Variants in CUBN observed in about 807,000 individuals in gnomAD.
CUBN encodes the protein cubilin, also known as 460 kDa receptor.
Under a neutral mutation model 405.3 loss-of-function variants are expected in CUBN, and 282 were observed. The ratio of observed to expected loss-of-function variants is 0.70; its 90% CI spans 0.63 to 0.77. The LOEUF is 0.77. CUBN is among the 30% of genes least tolerant of loss of function. The pLI is 0.00. For synonymous variants in CUBN, 1,684 were observed against 1,617.0 expected, an observed-to-expected ratio of 1.04 and a Z score of -0.99; for missense variants, 4,514 against 4,475.2, an observed-to-expected ratio of 1.01 and a Z score of -0.25.
chr10:16,961,704 CTTTTTTTTTT>C (rs138499807), intron 31 of CUBN, among the ~76,000 whole-genome samples: 1 of 74,038 alleles, frequency 1.4e-5, no homozygotes, highest in Non-Finnish European at 2.5e-5. Context: ...AAAGCAATCC[CTTTTTTTTTT>C]TTTTTTTTTT....
intron 13 of CUBN, 131 bp downstream of exon 13, chr10:17,102,994 G>A (rs1040994071): frequency 2.4e-5 from 17 of 695,910 alleles, no homozygotes; most frequent in Admixed American, 6.2e-5. Flanking sequence ...ATGGCACTCC[G>A]TACTTAGTAA....
intron 27 of CUBN, among the ~76,000 whole-genome samples, chr10:17,038,766 G>C (rs1353944525): frequency 6.6e-6 from 1 of 152,150 alleles, no homozygotes; most frequent in African/African-American, 2.4e-5. Flanking sequence ...GCTCTGGTCT[G>C]GCCTCTTGGC....
chr10:16,934,403 G>A (rs1374557901), intron 39 of CUBN, among the ~76,000 whole-genome samples: 1 of 152,170 alleles, frequency 6.6e-6, no homozygotes, highest in African/African-American at 2.4e-5. Context: ...CCAACAGGAA[G>A]TGAATATAAA....
At chr10:17,029,840 G>A (rs1299812332) in intron 27 of CUBN, among the ~76,000 whole-genome samples, 1 of 152,172 alleles carries the variant, frequency 6.6e-6, no homozygotes, top group Non-Finnish European at 1.5e-5. Flanking sequence ...CAATCCCAGT[G>A]GCTTTTGTAG....
At chr10:16,879,051 C>T (rs1370846109) in intron 56 of CUBN, among the ~76,000 whole-genome samples, 1 of 152,312 alleles carries the variant, frequency 6.6e-6, no homozygotes, top group African/African-American at 2.4e-5. Context: ...TGTGTGGGCA[C>T]ATGCTTTCAG....
At chr10:17,044,912 GCTCCCCTT>G in intron 25 of CUBN, 87 bp downstream of exon 25, 1 of 1,227,748 alleles carries the variant, frequency 8.1e-7, no homozygotes, top group East Asian at 2.3e-5. Flanking sequence ...CGGTTTAGAT[GCTCCCCTT>G]TCCTGAATCT....
intron 62 of CUBN, among the ~76,000 whole-genome samples, chr10:16,839,786 A>T (rs1281776273): frequency 2.0e-5 from 3 of 151,890 alleles, no homozygotes; most frequent in African/African-American, 7.2e-5. Flanking sequence ...TTGCGGCACT[A>T]TTCACAATAG....
At chr10:16,926,124 G>C (rs1842182495) in intron 41 of CUBN, among the ~76,000 whole-genome samples, 1 of 152,168 alleles carries the variant, frequency 6.6e-6, no homozygotes, top group African/African-American at 2.4e-5. Context: ...GGAGGGAGAA[G>C]GGTACTTTAT....
intron 56 of CUBN, among the ~76,000 whole-genome samples, chr10:16,878,937 T>C (rs1840591127): frequency 6.6e-6 from 1 of 152,256 alleles, no homozygotes; most frequent in African/African-American, 2.4e-5. Context: ...TTTATAGTGA[T>C]AGCACATGTT....
chr10:16,863,187 A>G (rs1204405593), intron 59 of CUBN, among the ~76,000 whole-genome samples: 1 of 152,258 alleles, frequency 6.6e-6, no homozygotes, highest in Non-Finnish European at 1.5e-5. Context: ...TAAAACCCAC[A>G]AAGAATAACG....
chr10:16,849,429 T>C (rs1839614137), intron 60 of CUBN, among the ~76,000 whole-genome samples: 1 of 152,170 alleles, frequency 6.6e-6, no homozygotes, highest in African/African-American at 2.4e-5. Flanking sequence ...CTCTTTGCTG[T>C]GTCCTCTCTA....
At chr10:16,974,435 T>G (rs1005712749) in intron 31 of CUBN, among the ~76,000 whole-genome samples, 1 of 152,156 alleles carries the variant, frequency 6.6e-6, no homozygotes, top group Non-Finnish European at 1.5e-5. Context: ...AACTCTTTTT[T>G]TTTTTTGAGA....
chr10:16,911,736 T>TA (rs1841741396), intron 48 of CUBN, among the ~76,000 whole-genome samples: 1 of 152,212 alleles, frequency 6.6e-6, no homozygotes, highest in Non-Finnish European at 1.5e-5. Flanking sequence ...ATTTCAAAGG[T>TA]AAAAAACAAC....
chr10:17,042,590 C>T (rs149327792), intron 26 of CUBN, among the ~76,000 whole-genome samples: 1 of 152,190 alleles, frequency 6.6e-6, no homozygotes, highest in East Asian at 1.9e-4. Flanking sequence ...AATAGATTAG[C>T]ACAGCAGTAA....
At position 17,019,112 on chromosome 10, in the gene CUBN, C is replaced by T. The variant is rs559248916; in HGVS notation, c.4168+721G>A. Reference sequence around the variant, plus strand: ...TCTAACAGGTTCCAGGTAATGCTGACGCTGCTCTCTAGGGACCACATTTTG... The same window carrying T: ...TCTAACAGGTTCCAGGTAATGCTGATGCTGCTCTCTAGGGACCACATTTTG... On this transcript the variant is annotated intron_variant, in intron 28 of 66. Transcript: ENST00000377833. Among the ~76,000 whole-genome samples, 21 of 152,280 alleles carry T rather than the reference C, an allele frequency of 1.4e-4. No individual in the cohort carries two copies. The South Asian group carries it at 3.1e-3, about 23-fold the overall frequency.
At chr10:17,127,784 C>G (rs539962258) in intron 3 of CUBN, 45 bp downstream of exon 3, 2 of 1,401,784 alleles carry the variant, frequency 1.4e-6, no homozygotes, top group South Asian at 2.3e-5. Context: ...TACAATAGAA[C>G]TAGGGAGAAC....
rs1588548445 is a variant in CUBN at position 16,982,598 on chromosome 10, GGGGTAATTT to G, written c.4572_4580del (p.Asn1525_Pro1527del). 4 of 1,613,550 alleles carry G rather than the reference GGGGTAATTT, an allele frequency of 2.5e-6. No homozygotes were observed. The highest frequency in any genetic ancestry group is 3.4e-6 in the Non-Finnish European group (4 of 1,179,532). On this transcript the variant is annotated inframe_deletion, in exon 31 of 67. Transcript: ENST00000377833. ...AGTCTGTGTTGCTCCTATAAGGACTGGGGTAATTTGGAGAATGAATCTCTCCACTGGGAG... is the reference window on the plus strand; with the variant it reads ...AGTCTGTGTTGCTCCTATAAGGACTGGGAGAATGAATCTCTCCACTGGGAG...
At chr10:16,889,625 C>T (rs1840931366) in intron 55 of CUBN, among the ~76,000 whole-genome samples, 1 of 152,030 alleles carries the variant, frequency 6.6e-6, no homozygotes, top group Admixed American at 6.6e-5. Flanking sequence ...GCAAGACCGG[C>T]CGGGCACGGT....
intron 56 of CUBN, among the ~76,000 whole-genome samples, chr10:16,878,934 T>A (rs1198729140): frequency 2.0e-5 from 3 of 152,240 alleles, no homozygotes; most frequent in Admixed American, 6.5e-5. Flanking sequence ...CTTTTTATAG[T>A]GATAGCACAT....
Sources: gnomAD v4.1 joint callset for allele counts (sites outside exome capture counted in the v4.1 genomes callset) on GRCh38, gnomAD v4.1.1 for gene constraint, MANE v1.5 for transcripts, NCBI Gene and HGNC (gene_info 2026-07-23, HGNC 2026-07-21) for gene names.